CELSR1: variants seen among roughly 807,000 people sequenced by gnomAD.
The protein encoded by CELSR1 is adhesion G protein-coupled receptor C1.
CELSR1 carries 110 observed loss-of-function variants against 249.1 expected under a neutral mutation model. That is an observed-to-expected ratio of 0.44 (90% CI 0.38 to 0.52). The LOEUF is 0.52. CELSR1 is among the 20% of genes least tolerant of loss of function. The probability of loss-of-function intolerance (pLI) is 0.00; values close to 1 mark genes in which losing one functional copy is unlikely to be tolerated. For missense variants in CELSR1, 4,109 were observed against 4,296.4 expected (o/e 0.96, Z 1.22); for synonymous variants, 2,113 against 1,900.0 (o/e 1.11, Z -2.92).
intron 2 of CELSR1, among the ~76,000 whole-genome samples, chr22:46,443,131 C>T (rs879602174): frequency 6.6e-6 from 1 of 152,006 alleles, no homozygotes; most frequent in Non-Finnish European, 1.5e-5. Context: ...GTGTAACTGG[C>T]TAAGCCAAGG....
intron 9 of CELSR1, among the ~76,000 whole-genome samples, chr22:46,403,180 GA>G: frequency 6.6e-6 from 1 of 152,126 alleles, no homozygotes; most frequent in Non-Finnish European, 1.5e-5. Flanking sequence ...AGAAGTAATA[GA>G]TAAATCTACA....
In CELSR1 at chr22:46,447,910, A is replaced by G. The variant is rs1233569656; in HGVS notation, c.4184-8499T>C. ...GCTGGGATTACAGGTGCGAGCCACC[A>G]CACCCGGCCAGAAAAGCATTCTTAA... On this transcript the variant is annotated intron_variant, in intron 2 of 34. Transcript: ENST00000674500. This position sits in a 1 kb window ranked among gnomAD's most constrained non-coding sequence, Gnocchi z 4.7. 2.0e-5 allele frequency among the ~76,000 whole-genome samples: 3 copies of G among 152,160 alleles called. No individual in the cohort carries two copies. Among genetic ancestry groups the G allele is most frequent in the Non-Finnish European group, 4.4e-5 (3 of 68,026 alleles).
rs1457250011 is a variant in CELSR1 at position 46,527,126 on chromosome 22, G to A, written c.3544+6501C>T. On this transcript the variant is annotated intron_variant, in intron 1 of 34. Coordinates refer to ENST00000674500, the MANE Select transcript of CELSR1 (RefSeq NM_001378328.1). The surrounding 1 kb of genome is among the most constrained non-coding windows in gnomAD (Gnocchi z 5.5). ...TGCTCATCTCTAGGATGGAGGTGGC[G>A]ACGGTACTTTCCATACCACAGTGTG... Among the ~76,000 whole-genome samples, 1 of 152,174 alleles carries A rather than the reference G, an allele frequency of 6.6e-6. No individual in the cohort carries two copies. Among genetic ancestry groups the A allele is most frequent in the Non-Finnish European group, 1.5e-5 (1 of 68,040 alleles).
Position 46,396,838 on chromosome 22 carries a change from C to T in CELSR1, c.5702-92G>A, listed in dbSNP as rs917119002. 2 of 1,489,010 alleles carry T rather than the reference C, an allele frequency of 1.3e-6. No homozygotes were observed. Among genetic ancestry groups the T allele is most frequent in the Non-Finnish European group, 1.8e-6 (2 of 1,095,540 alleles). The allele number at this position is 1,489,010 out of a possible 1,614,324, so 92.2% of individuals were successfully genotyped here. A position where few individuals can be genotyped will look rare whatever the true frequency, so the allele number is the denominator to read the frequency against. On this transcript the variant is annotated intron_variant, in intron 12 of 34. Coordinates refer to ENST00000674500, the MANE Select transcript of CELSR1 (RefSeq NM_001378328.1). The surrounding 1 kb of genome is among the most constrained non-coding windows in gnomAD (Gnocchi z 6.4). ...GAGCAACCTGTCCCCTCCAGAAGAT[C>T]TGACTTTCCCTGGTACTCAGCAGAG...
rs1947192763 is a variant in CELSR1, at chr22:46,417,006, T to C, written c.4612-5247A>G. 6.6e-6 allele frequency among the ~76,000 whole-genome samples: 1 copy of C among 151,974 alleles called. No homozygotes were observed. The highest frequency in any genetic ancestry group is 1.5e-5 in the Non-Finnish European group (1 of 68,004). On this transcript the variant is annotated intron_variant, in intron 5 of 34. Transcript: ENST00000674500. The surrounding 1 kb of genome is among the most constrained non-coding windows in gnomAD (Gnocchi z 4.1). ...GGTGGGAGGGGCACGTCTTAGGAAA[T>C]GAATGAATTCATGCTCTGTGTCAGA...
At chr22:46,365,092 C>G (rs2078752585) in intron 32 of CELSR1, 139 bp downstream of exon 32, 2 of 1,248,206 alleles carry the variant, frequency 1.6e-6, no homozygotes, top group Non-Finnish European at 2.2e-6. Flanking sequence ...ACCAGAGTCC[C>G]CCCACCCCAG....
At chr22:46,492,736 G>A (rs1377885023) in intron 1 of CELSR1, among the ~76,000 whole-genome samples, 3 of 151,818 alleles carry the variant, frequency 2.0e-5, no homozygotes, top group Admixed American at 1.3e-4. Flanking sequence ...AATCGCTCGA[G>A]GCAAGATCCA....
At chr22:46,372,462 C>T (rs1287307614) in intron 25 of CELSR1, among the ~76,000 whole-genome samples, 1 of 120,160 alleles carries the variant, frequency 8.3e-6, no homozygotes, top group Admixed American at 7.8e-5. Flanking sequence ...CACTCACCCC[C>T]CATCCATCCA....
chr22:46,443,573 C>T (rs771186426), intron 2 of CELSR1, among the ~76,000 whole-genome samples: 13 of 152,254 alleles, frequency 8.5e-5, no homozygotes, highest in Non-Finnish European at 1.6e-4. Context: ...CACACACCTG[C>T]ACACACATTT....
rs2147236977 is a variant in CELSR1 at position 46,386,436 on chromosome 22, G to A, written c.6705C>T (p.Tyr2235=). ...CGGTGACGATGACGAAGGGCCGCAGGTACGTCCGCCGCACGTTGCGTGCCA... is the reference window on the plus strand; with the variant it reads ...CGGTGACGATGACGAAGGGCCGCAGATACGTCCGCCGCACGTTGCGTGCCA... ...SNVARNVRRT[Y]LRPFVIVTAN... Residue 2235 remains tyrosine, a synonymous_variant, in exon 19 of 35, where the codon TAC becomes TAT. Transcript: ENST00000674500. The A allele has an allele frequency of 2.5e-6, 4 of 1,595,324 alleles. No individual in the cohort carries two copies. The highest frequency in any genetic ancestry group is 2.3e-5 in the East Asian group (1 of 44,152).
chr22:46,409,449 G>A lies in CELSR1; in HGVS notation c.5060-287C>T, dbSNP rs553438699. On this transcript the variant is annotated intron_variant, in intron 8 of 34. Transcript: ENST00000674500. The surrounding 1 kb of genome is among the most constrained non-coding windows in gnomAD (Gnocchi z 9.8). ...TAAGGGGCTCTCAGGCTTGACAGGA[G>A]GCAGACGGGGGCGGGTTCAGGATCC... Among the ~76,000 whole-genome samples the A allele has an allele frequency of 6.6e-5, 10 of 152,298 alleles. No individual in the cohort carries two copies. In the East Asian group the frequency reaches 1.2e-3, roughly 18 times the overall value.
chr22:46,411,562 G>C lies in CELSR1; in HGVS notation c.4769+40C>G. 3 of 1,611,138 alleles carry C rather than the reference G, an allele frequency of 1.9e-6. No individual in the cohort carries two copies. Among genetic ancestry groups the C allele is most frequent in the South Asian group, 1.1e-5 (1 of 90,902 alleles). ...AAGGCCGCAGGGTGAGCATGTTTGG[G>C]GGTACGGACCCCCAGGGCCTCCCCT... On this transcript the variant is annotated intron_variant, in intron 6 of 34. Transcript: ENST00000674500. The surrounding 1 kb of genome is among the most constrained non-coding windows in gnomAD (Gnocchi z 4.2).
chr22:46,535,026 G>A lies in CELSR1; in HGVS notation c.2145C>T (p.Asp715=), dbSNP rs139713979. ...GCTGGTAGGTAATCACACTGTTGGC[G>A]TCACGGTCGCGGGCCTGCAGGGTCA... ...SVLTLQARDR[D]ANSVITYQLT... The change falls in exon 1 of 35, where the codon GAC becomes GAT. Residue 715 remains aspartate, a synonymous_variant. Coordinates refer to ENST00000674500, the MANE Select transcript of CELSR1 (RefSeq NM_001378328.1). 2.9e-5 allele frequency: 46 copies of A among 1,612,482 alleles called. No homozygotes were observed. In the Middle Eastern group the frequency reaches 4.9e-4, roughly 17 times the overall value.
chr22:46,478,697 C>T (rs551076687), intron 1 of CELSR1, among the ~76,000 whole-genome samples: 4 of 146,502 alleles, frequency 2.7e-5, no homozygotes, highest in African/African-American at 1.0e-4. Flanking sequence ...TGCGTGCCAC[C>T]ATGCCCAGCT....
rs779221948 is a variant in CELSR1, at chr22:46,396,300, C to A, written c.5843+305G>T. Among the ~76,000 whole-genome samples the A allele has an allele frequency of 1.3e-5, 2 of 151,872 alleles. No individual in the cohort carries two copies. The highest frequency in any genetic ancestry group is 4.8e-5 in the African/African-American group (2 of 41,326). ...GCGGGCACCTGTAGGACCAGCTACT[C>A]GGGAGGCCGAGGCAGGAGAATCACT... On this transcript the variant is annotated intron_variant, in intron 13 of 34. Coordinates refer to ENST00000674500, the MANE Select transcript of CELSR1 (RefSeq NM_001378328.1). This position sits in a 1 kb window ranked among gnomAD's most constrained non-coding sequence, Gnocchi z 6.4.
In CELSR1 at chr22:46,364,156, G is replaced by A; in HGVS notation, c.8875C>T (p.Gln2959Ter). ...RLREKLADCE[Q>*]SPTSSRTSSL... The stretch of plus-strand genomic sequence containing the variant: ...GACGTGCGCGAGGATGTGGGGCTCT[G>A]CTCACAGTCGGCCAGCTTCTCCCGG... The change falls in exon 34 of 35, where the codon CAG (glutamine) becomes TAG (stop). Residue 2959 changes from glutamine to a stop codon, truncating the protein, a stop_gained. Transcript: ENST00000674500. LOFTEE classifies it high-confidence loss of function. 1 of 1,612,318 alleles carries A rather than the reference G, an allele frequency of 6.2e-7. No homozygotes were observed. Among genetic ancestry groups the A allele is most frequent in the Non-Finnish European group, 8.5e-7 (1 of 1,179,788 alleles).
chr22:46,393,646 A>T lies in CELSR1; in HGVS notation c.5964+496T>A, dbSNP rs1462778765. On this transcript the variant is annotated intron_variant, in intron 14 of 34. Coordinates refer to ENST00000674500, the MANE Select transcript of CELSR1 (RefSeq NM_001378328.1). The surrounding 1 kb of genome is among the most constrained non-coding windows in gnomAD (Gnocchi z 4.1). ...CCAGCTACTCAGGAGGCTGAGGCAG[A>T]AGAATTGCTGGAACCCGGGAGGCGG... is the stretch of plus-strand genomic sequence containing the variant. Among the ~76,000 whole-genome samples the T allele has an allele frequency of 2.6e-5, 4 of 152,016 alleles. No individual in the cohort carries two copies. Among genetic ancestry groups the T allele is most frequent in the Admixed American group, 2.6e-4 (4 of 15,260 alleles).
At position 46,488,273 on chromosome 22, in the gene CELSR1, G is replaced by A. The variant is rs116721572; in HGVS notation, c.3545-23928C>T. ...GAAGGTGACCCCCAGATAGTCCCCA[G>A]AGCCAGTGCTACATGGGAAGCCCTG... On this transcript the variant is annotated intron_variant, in intron 1 of 34. Transcript: ENST00000674500. The surrounding 1 kb of genome is among the most constrained non-coding windows in gnomAD (Gnocchi z 4.7). 5.0e-3 allele frequency among the ~76,000 whole-genome samples: 764 copies of A among 152,136 alleles called. 6 individuals are homozygous for A. The highest frequency in any genetic ancestry group is 0.018 in the African/African-American group (740 of 41,472).
rs1032876064 is a variant in CELSR1, at chr22:46,473,302, C to T, written c.3545-8957G>A. On this transcript the variant is annotated intron_variant, in intron 1 of 34. Transcript: ENST00000674500. The surrounding 1 kb of genome is among the most constrained non-coding windows in gnomAD (Gnocchi z 6.6). ...CCCAGATTAACCTGAGGCCAAGTCC[C>T]CAGTGATGGTGGATGGGAGGGACAG... Among the ~76,000 whole-genome samples the T allele has an allele frequency of 6.6e-6, 1 of 152,020 alleles. No individual in the cohort carries two copies. The highest frequency in any genetic ancestry group is 2.4e-5 in the African/African-American group (1 of 41,374).
Sources: gnomAD v4.1 joint callset for allele counts (sites outside exome capture counted in the v4.1 genomes callset) on GRCh38, gnomAD v4.1.1 for gene constraint, Gnocchi (gnomAD v3.1) non-coding constraint, MANE v1.5 for transcripts, NCBI Gene and HGNC (gene_info 2026-07-23, HGNC 2026-07-21) for gene names.